ANKFY1: variants seen among roughly 807,000 people sequenced by gnomAD.
ANKFY1 encodes ankyrin repeat and FYVE domain containing 1.
In ANKFY1, 47 loss-of-function variants were observed where a neutral mutation model predicts 128.3. That is an observed-to-expected ratio of 0.37 (90% CI 0.29 to 0.47). The LOEUF (loss-of-function observed/expected upper bound fraction) is 0.47. Among genes scored for constraint, ANKFY1 ranks in the 20% least tolerant of loss-of-function variants. The pLI, the probability that ANKFY1 is intolerant of heterozygous loss-of-function variation, is 1.00. For synonymous variants in ANKFY1, 553 were observed against 601.6 expected, an observed-to-expected ratio of 0.92 and a Z score of 1.18; for missense variants, 1,222 against 1,510.6, an observed-to-expected ratio of 0.81 and a Z score of 3.17.
chr17:4,222,890 C>T lies in ANKFY1; in HGVS notation c.323-5772G>A, dbSNP rs1442890473. ...AGTATCCGAGAGCTGACACACCCAA[C>T]AATCCAACTCCTATCACCAGCTCCT... is the stretch of plus-strand genomic sequence containing the variant. On this transcript the variant is annotated intron_variant, in intron 3 of 24. Coordinates refer to ENST00000341657, the MANE Select transcript of ANKFY1 (RefSeq NM_001330063.2). The T allele has an allele frequency of 2.9e-6, 3 of 1,021,348 alleles. No homozygotes were observed. The African/African-American group carries it at 4.7e-5, about 16-fold the overall frequency. The allele number at this position is 1,021,348 out of a possible 1,614,324, so 63.3% of individuals were successfully genotyped here.
intron 4 of ANKFY1, among the ~76,000 whole-genome samples, chr17:4,212,522 T>TACTA (rs1264493213): frequency 6.6e-6 from 1 of 152,256 alleles, no homozygotes; most frequent in Non-Finnish European, 1.5e-5. Context: ...GAGGTCCCTC[T>TACTA]ACTAGCCGTT....
intron 10 of ANKFY1, among the ~76,000 whole-genome samples, chr17:4,192,552 A>C (rs1355448811): frequency 7.0e-6 from 1 of 143,292 alleles, no homozygotes; most frequent in East Asian, 2.1e-4. Flanking sequence ...TAATCTGGAG[A>C]CTCCTAGTTG....
chr17:4,224,283 C>T (rs1598106371), intron 3 of ANKFY1, among the ~76,000 whole-genome samples: 4 of 125,518 alleles, frequency 3.2e-5, no homozygotes. Context: ...AGTGCAGTGG[C>T]GCGATCTCGG....
At chr17:4,234,356 G>A (rs2060566996) in intron 3 of ANKFY1, among the ~76,000 whole-genome samples, 1 of 151,932 alleles carries the variant, frequency 6.6e-6, no homozygotes. Flanking sequence ...ATAGCAGTCA[G>A]GCAAGTACTA....
chr17:4,173,465 C>A (rs989287283), intron 20 of ANKFY1, 21 bp from the exon 21 acceptor site: 3 of 1,609,904 alleles, frequency 1.9e-6, no homozygotes, highest in Non-Finnish European at 2.6e-6. Flanking sequence ...AATCCTCTTA[C>A]TATGCAAGCC....
intron 10 of ANKFY1, chr17:4,191,189 T>C (rs1048971029): frequency 6.6e-6 from 1 of 152,282 alleles, no homozygotes; most frequent in Non-Finnish European, 1.5e-5. Flanking sequence ...TTTCATACCA[T>C]GTTTTTCCTT....
intron 7 of ANKFY1, among the ~76,000 whole-genome samples, chr17:4,199,257 A>T (rs2059884056): frequency 6.6e-6 from 1 of 152,230 alleles, no homozygotes; most frequent in African/African-American, 2.4e-5. Context: ...TGGCACGATC[A>T]CGGCTCATTG....
intron 1 of ANKFY1, among the ~76,000 whole-genome samples, chr17:4,245,299 G>A (rs1166668562): frequency 6.6e-6 from 1 of 152,040 alleles, no homozygotes; most frequent in Non-Finnish European, 1.5e-5. Flanking sequence ...TGAAACTCCT[G>A]AACTCAAGTG....
chr17:4,207,104 C>T (rs958498776), intron 6 of ANKFY1, among the ~76,000 whole-genome samples: 3 of 151,964 alleles, frequency 2.0e-5, no homozygotes, highest in South Asian at 2.1e-4. Flanking sequence ...CCAGGAGGCC[C>T]GACCTATCTA....
At chr17:4,211,443 C>A (rs1316026017) in intron 4 of ANKFY1, among the ~76,000 whole-genome samples, 2 of 151,350 alleles carry the variant, frequency 1.3e-5, no homozygotes, top group East Asian at 3.9e-4. Context: ...AGTACACCCC[C>A]CACACCAAAA....
chr17:4,192,992 A>G (rs955947887), intron 10 of ANKFY1, among the ~76,000 whole-genome samples: 3 of 152,192 alleles, frequency 2.0e-5, no homozygotes, highest in Non-Finnish European at 4.4e-5. Flanking sequence ...TTAAAACTAT[A>G]TAATATAAAA....
intron 4 of ANKFY1, among the ~76,000 whole-genome samples, chr17:4,216,247 T>A (rs1290945685): frequency 6.6e-6 from 1 of 152,056 alleles, no homozygotes; most frequent in Non-Finnish European, 1.5e-5. Flanking sequence ...AACCATCCCT[T>A]CACTCACCCA....
At chr17:4,255,293 C>A (rs1968059629) in intron 1 of ANKFY1, among the ~76,000 whole-genome samples, 1 of 141,058 alleles carries the variant, frequency 7.1e-6, no homozygotes, top group Non-Finnish European at 1.5e-5. Flanking sequence ...GTCGCCCAGA[C>A]TGGAGTGCAA....
intron 7 of ANKFY1, among the ~76,000 whole-genome samples, chr17:4,205,720 C>T (rs978933546): frequency 3.5e-5 from 5 of 144,590 alleles, no homozygotes; most frequent in Non-Finnish European, 7.5e-5. Context: ...CCAGCCTGGG[C>T]GACAGAACAA....
chr17:4,201,971 T>C (rs28548122), intron 7 of ANKFY1, among the ~76,000 whole-genome samples: 4,970 of 152,294 alleles, frequency 0.033, 266 homozygotes, highest in African/African-American at 0.11. Context: ...GCCACTTACA[T>C]TCTGGGAGTA....
chr17:4,235,340 CAAAAAAAA>C (rs10677242), intron 3 of ANKFY1, among the ~76,000 whole-genome samples: 7 of 116,752 alleles, frequency 6.0e-5, no homozygotes, highest in Non-Finnish European at 6.8e-5. Flanking sequence ...GACTCTGTCT[CAAAAAAAA>C]AAAAAAAGAA....
At chr17:4,253,086 T>C (rs750809239) in intron 1 of ANKFY1, among the ~76,000 whole-genome samples, 1 of 152,034 alleles carries the variant, frequency 6.6e-6, no homozygotes, top group Non-Finnish European at 1.5e-5. Flanking sequence ...CGGACCAGGG[T>C]GGCACACACT....
chr17:4,180,092 C>T (rs2059482677), intron 16 of ANKFY1: 1 of 596,846 alleles, frequency 1.7e-6, no homozygotes, highest in Non-Finnish European at 2.9e-6. Context: ...ACCCGGGCAT[C>T]AGAATTGTTA....
chr17:4,232,932 T>C (rs2060537802), intron 3 of ANKFY1, among the ~76,000 whole-genome samples: 1 of 151,994 alleles, frequency 6.6e-6, no homozygotes, highest in Non-Finnish European at 1.5e-5. Context: ...TATTTCACAA[T>C]TAAAATAAAA....
Sources: allele counts gnomAD v4.1 joint callset (sites outside exome capture counted in the v4.1 genomes callset), GRCh38; gene constraint gnomAD v4.1.1; transcripts MANE v1.5; gene names NCBI Gene and HGNC (gene_info 2026-07-23, HGNC 2026-07-21).